Variants in FARP2 observed in about 807,000 individuals in gnomAD.
FARP2 encodes the protein FERM, ARHGEF and pleckstrin domain-containing protein 2.
FARP2 carries 111 observed loss-of-function variants against 130.5 expected under a neutral mutation model. The observed-to-expected ratio is 0.85, with a 90% CI of 0.73 to 1.00. The LOEUF (loss-of-function observed/expected upper bound fraction) is 1.00, where lower values mean the gene tolerates loss of function less well. Ranked by LOEUF, FARP2 falls within the 50% of genes least tolerant of loss-of-function variation. The probability of loss-of-function intolerance (pLI) is 0.00; values close to 1 mark genes in which losing one functional copy is unlikely to be tolerated. For synonymous variants in FARP2, 504 were observed against 516.9 expected, an observed-to-expected ratio of 0.98 and a Z score of 0.34; for missense variants, 1,385 against 1,346.3, an observed-to-expected ratio of 1.03 and a Z score of -0.45.
chr2:241,369,434 C>T (rs2061378838), intron 1 of FARP2, among the ~76,000 whole-genome samples: 1 of 152,076 alleles, frequency 6.6e-6, no homozygotes, highest in East Asian at 1.9e-4. Context: ...GTCCCTCTCT[C>T]CCATCAAGAA....
intron 20 of FARP2, 112 bp from the exon 21 acceptor site, chr2:241,484,130 G>A: frequency 6.7e-7 from 1 of 1,495,768 alleles, no homozygotes; most frequent in Non-Finnish European, 8.9e-7. Context: ...AAAATCTCCA[G>A]CAAGCTGCAC....
chr2:241,373,285 A>G lies in FARP2; in HGVS notation c.178A>G (p.Ile60Val). The G allele has an allele frequency of 6.9e-7, 1 of 1,448,124 alleles. No homozygotes were observed. The highest frequency in any genetic ancestry group is 9.2e-7 in the Non-Finnish European group (1 of 1,087,556). The allele number at this position is 1,448,124 out of a possible 1,614,324, so 89.7% of individuals were successfully genotyped here. A position where few individuals can be genotyped will look rare whatever the true frequency, so the allele number is the denominator to read the frequency against. ...GGACAACACCATGGAAATATTTGAC[A>G]TTGAGGTAAGAAGCATGATTTTTGG... Reference protein sequence around the residue: ...LLDNTMEIFDIEPKCDGQVLL... With the variant: ...LLDNTMEIFDVEPKCDGQVLL... The change falls in exon 2 of 27, where the codon ATT becomes GTT. Residue 60 changes from isoleucine (I) to valine (V), a missense_variant. By Grantham distance (29) the Ile-to-Val change is conservative. Transcript: ENST00000264042.
chr2:241,441,721 G>T, intron 13 of FARP2, 165 bp downstream of exon 13: 2 of 1,061,428 alleles, frequency 1.9e-6, no homozygotes, highest in Middle Eastern at 2.0e-4. Flanking sequence ...ATTTCCTTCC[G>T]GTGGGGAGCA....
intron 5 of FARP2, among the ~76,000 whole-genome samples, chr2:241,408,135 C>T (rs547425441): frequency 1.3e-5 from 2 of 152,180 alleles, no homozygotes; most frequent in Admixed American, 1.3e-4. Context: ...TTTGGGAGGC[C>T]AAGGCGGGCA....
chr2:241,389,273 C>T (rs1168763477), intron 2 of FARP2, among the ~76,000 whole-genome samples: 1 of 151,822 alleles, frequency 6.6e-6, no homozygotes, highest in Non-Finnish European at 1.5e-5. Context: ...AGCAAGACTT[C>T]GTCTCAAAAA....
intron 19 of FARP2, among the ~76,000 whole-genome samples, chr2:241,476,945 G>A (rs746718080): frequency 6.6e-6 from 1 of 151,942 alleles, no homozygotes; most frequent in Non-Finnish European, 1.5e-5. Flanking sequence ...TTCTGGGTGG[G>A]GATGCTGTTC....
chr2:241,402,238 T>C (rs890680111), intron 2 of FARP2, among the ~76,000 whole-genome samples: 5 of 152,256 alleles, frequency 3.3e-5, no homozygotes, highest in African/African-American at 9.6e-5. Flanking sequence ...TTTCAAATTA[T>C]CAGGTCATAT....
intron 2 of FARP2, among the ~76,000 whole-genome samples, chr2:241,392,578 C>T (rs1376816609): frequency 6.6e-6 from 1 of 152,152 alleles, no homozygotes; most frequent in Non-Finnish European, 1.5e-5. Context: ...TTGGTCTCTT[C>T]AGTCTAGAAA....
At chr2:241,418,188 T>C (rs566857034) in intron 8 of FARP2, 79 bp downstream of exon 8, 1 of 1,499,704 alleles carries the variant, frequency 6.7e-7, no homozygotes, top group Non-Finnish European at 9.2e-7. Context: ...TTCTTATAGA[T>C]GTTAGTAAAT....
At chr2:241,436,015 C>T (rs1377359824) in intron 11 of FARP2, among the ~76,000 whole-genome samples, 2 of 149,156 alleles carry the variant, frequency 1.3e-5, no homozygotes, top group Non-Finnish European at 3.0e-5. Flanking sequence ...TGGGTTCACG[C>T]CATTCTCTTG....
At chr2:241,396,885 G>A (rs1055143347) in intron 2 of FARP2, among the ~76,000 whole-genome samples, 86 of 152,278 alleles carry the variant, frequency 5.6e-4, no homozygotes, top group African/African-American at 2.0e-3. Context: ...ACATGCACAC[G>A]TGTGTTTCTT....
intron 22 of FARP2, 32 bp from the exon 23 acceptor site, chr2:241,491,029 A>G: frequency 6.5e-7 from 1 of 1,529,896 alleles, no homozygotes; most frequent in Non-Finnish European, 9.1e-7. Flanking sequence ...AAGGAAGAGC[A>G]GAGCCACTGA....
intron 1 of FARP2, among the ~76,000 whole-genome samples, chr2:241,364,075 A>G (rs970008872): frequency 6.6e-6 from 1 of 152,230 alleles, no homozygotes; most frequent in Admixed American, 6.5e-5. Flanking sequence ...AATGAAGGGT[A>G]CGAATCAACT....
At chr2:241,442,415 T>TAA (rs2063410684) in intron 13 of FARP2, 1 of 456,630 alleles carries the variant, frequency 2.2e-6, no homozygotes, top group African/African-American at 2.0e-5. Context: ...CCCCTAGACA[T>TAA]AAGCCTTTTC....
intron 13 of FARP2, among the ~76,000 whole-genome samples, chr2:241,453,492 G>GCAC (rs1349011836): frequency 6.6e-6 from 1 of 150,442 alleles, no homozygotes; most frequent in Non-Finnish European, 1.5e-5. Flanking sequence ...CATGGTGGTG[G>GCAC]GAGCCTGTAG....
intron 2 of FARP2, among the ~76,000 whole-genome samples, chr2:241,388,544 T>C (rs1218775005): frequency 2.0e-5 from 3 of 152,122 alleles, no homozygotes; most frequent in African/African-American, 7.2e-5. Flanking sequence ...AAAGATGCTA[T>C]CAAGAAAGTA....
At chr2:241,407,428 G>A (rs2062389703) in intron 4 of FARP2, 109 bp from the exon 5 acceptor site, 2 of 809,876 alleles carry the variant, frequency 2.5e-6, no homozygotes, top group Non-Finnish European at 4.2e-6. Context: ...GAAAAGATTT[G>A]CTGTAACAGT....
intron 16 of FARP2, 41 bp downstream of exon 16, chr2:241,463,509 AACT>A: frequency 6.3e-7 from 1 of 1,595,330 alleles, no homozygotes; most frequent in South Asian, 1.1e-5. Flanking sequence ...CTCCCACACC[AACT>A]CATCATCACC....
intron 19 of FARP2, among the ~76,000 whole-genome samples, 183 bp downstream of exon 19, chr2:241,476,170 C>T (rs1207319637): frequency 7.1e-6 from 1 of 140,862 alleles, no homozygotes; most frequent in Admixed American, 7.3e-5. Context: ...CCCAGGAGTT[C>T]AAGACCAGAC....
Sources: allele counts gnomAD v4.1 joint callset (sites outside exome capture counted in the v4.1 genomes callset), GRCh38; gene constraint gnomAD v4.1.1; transcripts MANE v1.5; gene names NCBI Gene and HGNC (gene_info 2026-07-23, HGNC 2026-07-21).